Variants in FRK observed in about 807,000 individuals in gnomAD.
FRK encodes tyrosine-protein kinase FRK.
In FRK, 51 loss-of-function variants were observed where a neutral mutation model predicts 56.4. The ratio of observed to expected loss-of-function variants is 0.90; its 90% CI spans 0.72 to 1.14. FRK has a LOEUF of 1.14. Among genes scored for constraint, FRK ranks in the 50% most tolerant of loss-of-function variants. FRK has a pLI of 0.00. For synonymous variants in FRK, 245 were observed against 217.9 expected (o/e 1.12, Z -1.10); for missense variants, 570 against 601.4 (o/e 0.95, Z 0.55).
chr6:116,002,578 C>T (rs1001824243), intron 2 of FRK: 9 of 380,606 alleles, frequency 2.4e-5, no homozygotes, highest in Middle Eastern at 3.7e-4. Context: ...TGCACTCCAG[C>T]CTAGCCATAG....
chr6:116,023,285 G>T (rs771416553), intron 1 of FRK, among the ~76,000 whole-genome samples: 3 of 152,122 alleles, frequency 2.0e-5, no homozygotes, highest in Non-Finnish European at 2.9e-5. Flanking sequence ...TTCCACTCTT[G>T]GGTATTTACT....
At chr6:115,947,899 G>C (rs1054497133) in intron 5 of FRK, among the ~76,000 whole-genome samples, 4 of 152,142 alleles carry the variant, frequency 2.6e-5, no homozygotes, top group Non-Finnish European at 4.4e-5. Context: ...TGGAAATTAA[G>C]ACAAGGTGGT....
At position 116,001,579 on chromosome 6, in the gene FRK, C is replaced by A. The variant is rs1375080435; in HGVS notation, c.466+2298G>T. 3.3e-5 allele frequency among the ~76,000 whole-genome samples: 5 copies of A among 152,172 alleles called. No individual in the cohort carries two copies. In the East Asian group the frequency reaches 9.6e-4, roughly 29 times the overall value. On this transcript the variant is annotated intron_variant, in intron 2 of 7. Coordinates refer to ENST00000606080, the MANE Select transcript of FRK (RefSeq NM_002031.3). Reference sequence around the variant, plus strand: ...TTACTTGCCTTGGCCAATCATGACTCAGCTGTATCAACCAATCAGGACTCA... The same window carrying A: ...TTACTTGCCTTGGCCAATCATGACTAAGCTGTATCAACCAATCAGGACTCA...
chr6:115,936,660 A>C lies in FRK; in HGVS notation c.*5754T>G, dbSNP rs1223951026. 6.6e-6 allele frequency: 1 copy of C among 152,272 alleles called. No homozygotes were observed. Among genetic ancestry groups the C allele is most frequent in the Non-Finnish European group, 1.5e-5 (1 of 68,052 alleles). The allele number at this position is 152,272 out of a possible 1,614,324, so 9.4% of individuals were successfully genotyped here. On this transcript the variant is annotated 3_prime_UTR_variant, in exon 8 of 8. Transcript: ENST00000606080. ...ACCTGATGGAGCTGAAAAATACAGC[A>C]TGAGAACTTCATGAAGCATACACAA...
At chr6:116,079,028 A>G in the FRK span, among the ~76,000 whole-genome samples, 3 of 151,920 alleles carry the variant, frequency 2.0e-5, no homozygotes, top group African/African-American at 7.3e-5. Context: ...TTCTGTTGGG[A>G]TGCACTTTTG....
At chr6:115,955,502 T>G (rs1772949374) in intron 5 of FRK, among the ~76,000 whole-genome samples, 1 of 152,210 alleles carries the variant, frequency 6.6e-6, no homozygotes, top group African/African-American at 2.4e-5. Flanking sequence ...CATATTCTGA[T>G]GATGTTAAAT....
intron 1 of FRK, among the ~76,000 whole-genome samples, chr6:116,043,622 A>G (rs1481577390): frequency 6.6e-6 from 1 of 152,222 alleles, no homozygotes; most frequent in Non-Finnish European, 1.5e-5. Context: ...CTAAATGCCC[A>G]CAGAAGGAAG....
At chr6:116,028,967 C>T (rs895756153) in intron 1 of FRK, among the ~76,000 whole-genome samples, 1 of 152,146 alleles carries the variant, frequency 6.6e-6, no homozygotes, top group African/African-American at 2.4e-5. Context: ...CCAGTTCCTG[C>T]CCTCACTGAG....
intron 2 of FRK, among the ~76,000 whole-genome samples, chr6:116,003,656 G>C (rs112230100): frequency 6.6e-6 from 1 of 152,200 alleles, no homozygotes; most frequent in African/African-American, 2.4e-5. Context: ...TTCATATCTA[G>C]AGCATATATA....
chr6:116,090,050 C>T, the FRK span, among the ~76,000 whole-genome samples: 3 of 152,122 alleles, frequency 2.0e-5, no homozygotes, highest in East Asian at 1.9e-4. Context: ...AATTTTTTAG[C>T]ATTAAGAAGT....
chr6:116,087,200 A>C, the FRK span, among the ~76,000 whole-genome samples: 1 of 152,236 alleles, frequency 6.6e-6, no homozygotes, highest in African/African-American at 2.4e-5. Context: ...CAAGGTACTT[A>C]CTTTGTCTAT....
chr6:115,954,593 G>C (rs1487339284), intron 5 of FRK, among the ~76,000 whole-genome samples: 2 of 152,190 alleles, frequency 1.3e-5, no homozygotes, highest in East Asian at 3.8e-4. Flanking sequence ...AGGAAAGACT[G>C]CAAGAGTAGC....
the FRK span, among the ~76,000 whole-genome samples, chr6:116,067,006 G>T: frequency 6.6e-6 from 1 of 152,238 alleles, no homozygotes; most frequent in East Asian, 1.9e-4. Flanking sequence ...TTGGAAATAC[G>T]GTCTTTACAG....
At chr6:116,000,290 T>G (rs1183928727) in intron 2 of FRK, among the ~76,000 whole-genome samples, 2 of 130,240 alleles carry the variant, frequency 1.5e-5, no homozygotes, top group Non-Finnish European at 3.1e-5. Context: ...TCACCCAGGA[T>G]GGAGTACAAT....
At chr6:116,010,464 G>T (rs1477110589) in intron 1 of FRK, among the ~76,000 whole-genome samples, 3 of 152,150 alleles carry the variant, frequency 2.0e-5, no homozygotes, top group African/African-American at 7.2e-5. Flanking sequence ...TAGAAACTTT[G>T]GCACTTAGAA....
chr6:116,076,050 A>G, the FRK span, among the ~76,000 whole-genome samples: 4 of 151,786 alleles, frequency 2.6e-5, no homozygotes, highest in African/African-American at 7.3e-5. Context: ...CATCTTCATT[A>G]TTGTTTTCTT....
the FRK span, among the ~76,000 whole-genome samples, chr6:116,082,780 A>G: frequency 6.6e-6 from 1 of 152,320 alleles, no homozygotes; most frequent in East Asian, 1.9e-4. Context: ...TGTCAAGTGG[A>G]CAACTAGATC....
chr6:115,957,823 T>C (rs1200787328), intron 4 of FRK, among the ~76,000 whole-genome samples: 2 of 152,216 alleles, frequency 1.3e-5, no homozygotes, highest in Non-Finnish European at 2.9e-5. Flanking sequence ...TTATCAAACC[T>C]CTCTAAACTT....
At chr6:116,009,767 T>C (rs1233701750) in intron 1 of FRK, among the ~76,000 whole-genome samples, 1 of 152,216 alleles carries the variant, frequency 6.6e-6, no homozygotes, top group Non-Finnish European at 1.5e-5. Flanking sequence ...ATGTAAATTA[T>C]CAAGTGTCTA....
Sources: allele counts gnomAD v4.1 joint callset (sites outside exome capture counted in the v4.1 genomes callset), GRCh38; gene constraint gnomAD v4.1.1; transcripts MANE v1.5; gene names NCBI Gene and HGNC (gene_info 2026-07-23, HGNC 2026-07-21).